SHISAL2A: variants seen among roughly 807,000 people sequenced by gnomAD.
SHISAL2A encodes protein shisa-like-2A.
Under a neutral mutation model 11.5 loss-of-function variants are expected in SHISAL2A, and 18 were observed. That is an observed-to-expected ratio of 1.57 (90% CI 1.08 to 2.33). The LOEUF (loss-of-function observed/expected upper bound fraction) is 2.33. SHISAL2A is among the 30% of genes most tolerant of loss of function. The pLI, the probability that SHISAL2A is intolerant of heterozygous loss-of-function variation, is 0.00. For missense variants in SHISAL2A, 261 were observed against 250.9 expected, an observed-to-expected ratio of 1.04 and a Z score of -0.27; for synonymous variants, 94 against 99.6, an observed-to-expected ratio of 0.94 and a Z score of 0.34.
At chr1:52,663,725 C>A (rs886825751) in intron 4 of SHISAL2A, among the ~76,000 whole-genome samples, 3 of 152,110 alleles carry the variant, frequency 2.0e-5, no homozygotes, top group Non-Finnish European at 2.9e-5. Flanking sequence ...TGCATCATTG[C>A]ATTCCAGCCT....
exon 6 of SHISAL2A, chr1:52,669,309 A>G (rs1170671013): frequency 6.6e-6 from 1 of 151,050 alleles, no homozygotes; most frequent in Non-Finnish European, 1.5e-5. Flanking sequence ...GAGCTAGGGA[A>G]TGTTGGAGAT....
chr1:52,637,756 T>G (rs1376774038), intron 1 of SHISAL2A, among the ~76,000 whole-genome samples: 2 of 152,228 alleles, frequency 1.3e-5, no homozygotes, highest in Admixed American at 6.5e-5. Context: ...AGCTTAAATG[T>G]GGCAGAACCA....
At chr1:52,637,955 C>T (rs1366113443) in intron 1 of SHISAL2A, among the ~76,000 whole-genome samples, 4 of 152,134 alleles carry the variant, frequency 2.6e-5, no homozygotes, top group African/African-American at 4.8e-5. Flanking sequence ...AAAGATATAA[C>T]TCATTCGTGT....
downstream of SHISAL2A, among the ~76,000 whole-genome samples, chr1:52,658,832 G>T (rs1385160174): frequency 6.6e-6 from 1 of 152,194 alleles, no homozygotes; most frequent in African/African-American, 2.4e-5. Flanking sequence ...AGCAGCTCTT[G>T]ACATTTCAGA....
chr1:52,656,778 G>A lies in SHISAL2A; in HGVS notation c.323-12G>A, dbSNP rs769656771. ...GAAGAGAGCCACACACCCTCAGTTT[G>A]CTGTTTTCCAGGCCCTGAGGAGGTT... On this transcript the variant is annotated splice_polypyrimidine_tract_variant and intron_variant, in intron 2 of 2. Coordinates refer to ENST00000517870, the MANE Select transcript of SHISAL2A (RefSeq NM_001042693.3). The A allele has an allele frequency of 6.3e-7, 1 of 1,592,088 alleles. No individual in the cohort carries two copies. Among genetic ancestry groups the A allele is most frequent in the Admixed American group, 1.7e-5 (1 of 58,234 alleles).
chr1:52,652,965 CAAAAAAAAAAAAAAAAAAA>C (rs36154490), intron 2 of SHISAL2A, among the ~76,000 whole-genome samples: 4 of 22,370 alleles, frequency 1.8e-4, no homozygotes, highest in South Asian at 3.1e-3. Context: ...GACTCTGTCT[CAAAAAAAAAAAAAAAAAAA>C]AAAAAAAAAA....
At chr1:52,661,957 C>T (rs1345444850), downstream of SHISAL2A, among the ~76,000 whole-genome samples, 1 of 151,788 alleles carries the variant, frequency 6.6e-6, no homozygotes, top group Non-Finnish European at 1.5e-5. Flanking sequence ...CGCTTGAACC[C>T]AGGAGGAGGA....
At chr1:52,656,150 A>G (rs772825456) in intron 2 of SHISAL2A, among the ~76,000 whole-genome samples, 6 of 152,250 alleles carry the variant, frequency 3.9e-5, no homozygotes, top group Non-Finnish European at 8.8e-5. Context: ...TCAGAGTCCT[A>G]TAACTGGTAA....
intron 2 of SHISAL2A, among the ~76,000 whole-genome samples, chr1:52,649,678 A>G (rs1373052416): frequency 6.6e-6 from 1 of 152,226 alleles, no homozygotes; most frequent in Non-Finnish European, 1.5e-5. Flanking sequence ...CACTGTGCTA[A>G]GGACTTCAAA....
downstream of SHISAL2A, among the ~76,000 whole-genome samples, chr1:52,658,621 A>C (rs987080817): frequency 3.3e-5 from 5 of 152,358 alleles, no homozygotes; most frequent in African/African-American, 1.2e-4. Flanking sequence ...AGTGTTGGCA[A>C]ATGGAAAGCA....
At chr1:52,666,067 TC>T (rs961873736) in intron 4 of SHISAL2A, among the ~76,000 whole-genome samples, 1 of 152,214 alleles carries the variant, frequency 6.6e-6, no homozygotes, top group African/African-American at 2.4e-5. Context: ...TCCCAGCCCT[TC>T]TGGCCTCACT....
chr1:52,667,516 C>T (rs548128627), exon 5 of SHISAL2A: 8 of 365,284 alleles, frequency 2.2e-5, no homozygotes, highest in Non-Finnish European at 2.7e-5. Context: ...CCACCATCAT[C>T]ATCATTGTCA....
chr1:52,642,127 C>T lies in SHISAL2A; in HGVS notation c.183-736C>T, dbSNP rs375720008. 3.9e-5 allele frequency among the ~76,000 whole-genome samples: 6 copies of T among 152,044 alleles called. No homozygotes were observed. In the East Asian group the frequency reaches 9.6e-4, roughly 24 times the overall value. The stretch of plus-strand genomic sequence containing the variant: ...TTAAAACAAAAAGAAAAGAAATTAC[C>T]TAAGGCTGGAAGGAGAGCTGGCTTT... On this transcript the variant is annotated intron_variant, in intron 1 of 2. Transcript: ENST00000517870.
At chr1:52,667,496 A>G (rs1692034789) in exon 5 of SHISAL2A, 1 of 493,562 alleles carries the variant, frequency 2.0e-6, no homozygotes, top group Non-Finnish European at 2.6e-6. Flanking sequence ...CACCATCACC[A>G]TCACCACCAC....
In SHISAL2A at chr1:52,633,578, G is replaced by T. The variant is rs756318923; in HGVS notation, c.85G>T (p.Ala29Ser). The T allele has an allele frequency of 6.2e-7, 1 of 1,611,504 alleles. No homozygotes were observed. Among genetic ancestry groups the T allele is most frequent in the Non-Finnish European group, 8.5e-7 (1 of 1,179,088 alleles). Residue 29 changes from alanine (A) to serine (S), a missense_variant, in exon 1 of 3, where the codon GCC (alanine) becomes TCC (serine). By Grantham distance (99) the Ala-to-Ser change is moderately conservative. Transcript: ENST00000517870. This position sits in a 1 kb window ranked among gnomAD's most constrained non-coding sequence, Gnocchi z 6.4. ...FSCPRPGGEAAAVFCCGFRDH... is the reference protein window; with the variant it reads ...FSCPRPGGEASAVFCCGFRDH... ...CTGCCCGCGGCCGGGGGGCGAGGCG[G>T]CCGCTGTCTTCTGCTGCGGCTTCCG...
chr1:52,635,146 C>T (rs1206236063), intron 1 of SHISAL2A, among the ~76,000 whole-genome samples: 1 of 152,148 alleles, frequency 6.6e-6, no homozygotes, highest in Non-Finnish European at 1.5e-5. Context: ...GTATTGGAGA[C>T]ACAAAAATCA....
chr1:52,666,824 GC>G (rs1429897461), intron 4 of SHISAL2A, among the ~76,000 whole-genome samples: 1 of 152,216 alleles, frequency 6.6e-6, no homozygotes, highest in Non-Finnish European at 1.5e-5. Flanking sequence ...ATCAAGGGCA[GC>G]TGGGCACGGC....
In SHISAL2A at chr1:52,649,825, A is replaced by G. The variant is rs949648697; in HGVS notation, c.322+6823A>G. On this transcript the variant is annotated intron_variant, in intron 2 of 2. Coordinates refer to ENST00000517870, the MANE Select transcript of SHISAL2A (RefSeq NM_001042693.3). ...AATAAGATACTAAAACATTGGGGGG[A>G]AAATTAAGGAGTCCAATTCTTATCC... Among the ~76,000 whole-genome samples the G allele has an allele frequency of 9.9e-5, 15 of 152,228 alleles. No homozygotes were observed. In the East Asian group the frequency reaches 1.5e-3, roughly 16 times the overall value.
intron 2 of SHISAL2A, among the ~76,000 whole-genome samples, chr1:52,655,236 T>C (rs1033040472): frequency 6.6e-6 from 1 of 151,086 alleles, no homozygotes; most frequent in Non-Finnish European, 1.5e-5. Context: ...CACCCTAAAC[T>C]CAACATTAAG....
Sources: allele counts gnomAD v4.1 joint callset (sites outside exome capture counted in the v4.1 genomes callset), GRCh38; gene constraint gnomAD v4.1.1; non-coding constraint Gnocchi (gnomAD v3.1); transcripts MANE v1.5; gene names NCBI Gene and HGNC (gene_info 2026-07-23, HGNC 2026-07-21).